Variants in FBXO11 observed in about 807,000 individuals in gnomAD.
FBXO11 encodes F-box protein 11, also known as F-box only protein 11.
A neutral mutation model predicts 117.0 loss-of-function variants in FBXO11; 13 were observed. The observed-to-expected ratio is 0.11, with a 90% CI of 0.07 to 0.18. The LOEUF is 0.18. Among genes scored for constraint, FBXO11 ranks in the 10% least tolerant of loss-of-function variants. FBXO11 has a pLI of 1.00. For synonymous variants in FBXO11, 490 were observed against 380.5 expected, an observed-to-expected ratio of 1.29 and a Z score of -3.35; for missense variants, 767 against 1,164.4, an observed-to-expected ratio of 0.66 and a Z score of 4.97.
In FBXO11 at chr2:47,807,020, T is replaced by A; in HGVS notation, c.*1098A>T. 1.5e-6 allele frequency: 1 copy of A among 655,882 alleles called. No homozygotes were observed. The highest frequency in any genetic ancestry group is 1.8e-5 in the South Asian group (1 of 56,518). 40.6% of individuals were successfully genotyped at this position (655,882 alleles called of 1,614,324 possible). ...TTCTTATCTACCTTCTACATAATGGTTATTGAATACTCCACAATATATTAA... is the reference window on the plus strand; with the variant it reads ...TTCTTATCTACCTTCTACATAATGGATATTGAATACTCCACAATATATTAA... On this transcript the variant is annotated 3_prime_UTR_variant, in exon 23 of 23. Coordinates refer to ENST00000403359, the MANE Select transcript of FBXO11 (RefSeq NM_001190274.2).
intron 4 of FBXO11, chr2:47,837,017 C>A: frequency 3.7e-6 from 1 of 266,918 alleles, no homozygotes. Context: ...GGATTATAGG[C>A]GTGAGCCACT....
At chr2:47,808,644 G>T (rs923974875) in intron 21 of FBXO11, 12 of 458,866 alleles carry the variant, frequency 2.6e-5, no homozygotes, top group African/African-American at 2.2e-4. Flanking sequence ...TTTGTAAATT[G>T]TATAAAGGCA....
At chr2:47,895,407 G>C (rs1677580107) in intron 1 of FBXO11, among the ~76,000 whole-genome samples, 1 of 152,210 alleles carries the variant, frequency 6.6e-6, no homozygotes, top group Non-Finnish European at 1.5e-5. Flanking sequence ...AGACACATAG[G>C]AGTACATACT....
Position 47,834,870 on chromosome 2 carries a change from T to C in FBXO11, c.719A>G (p.Tyr240Cys), listed in dbSNP as rs149046022. The C allele has an allele frequency of 5.6e-6, 9 of 1,610,116 alleles. No individual in the cohort carries two copies. The East Asian group carries it at 6.7e-5, about 12-fold the overall frequency. The change falls in exon 6 of 23, where the codon TAT (tyrosine) becomes TGT (cysteine). Residue 240 changes from tyrosine (Y) to cysteine (C), a missense_variant and splice_region_variant. Physicochemically the swap from Tyr to Cys is radical, Grantham distance 194. Around this residue, in one of 10 missense-constraint regions of FBXO11, gnomAD observed 32 missense variants for 48.4 expected, o/e 0.66. Transcript: ENST00000403359. ...NPWKESFQQL[Y>C]KGAHVKPGFA... ...TCCTGGCTTTACATGTGCACCTTTA[T>C]ACTAAAATGTCAAAAACAAAACAAA...
At chr2:47,846,236 G>A (rs1673396707) in intron 1 of FBXO11, among the ~76,000 whole-genome samples, 1 of 152,176 alleles carries the variant, frequency 6.6e-6, no homozygotes, top group South Asian at 2.1e-4. Flanking sequence ...AGGAGGCCCA[G>A]GCGGGCAGAT....
At chr2:47,819,357 A>C (rs1410330147) in intron 14 of FBXO11, among the ~76,000 whole-genome samples, 1 of 152,150 alleles carries the variant, frequency 6.6e-6, no homozygotes, top group African/African-American at 2.4e-5. Flanking sequence ...CTAGGATTAC[A>C]GGCGTCTGCC....
intron 1 of FBXO11, among the ~76,000 whole-genome samples, chr2:47,877,024 C>T (rs1368914515): frequency 6.6e-6 from 1 of 151,558 alleles, no homozygotes. Flanking sequence ...CATCTAATGA[C>T]ATCTTACTTA....
At position 47,906,495 on chromosome 2, in the gene FBXO11, G is replaced by T. The variant is rs987960102; in HGVS notation, c.-775C>A. On this transcript the variant is annotated 5_prime_UTR_variant, in exon 1 of 23. Transcript: ENST00000403359. ...ATTGACACCGCCGGAGCCTCCACTC[G>T]CCCAGTCGGTCCCTCCCCGCCGCGG... Among the ~76,000 whole-genome samples the T allele has an allele frequency of 6.7e-6, 1 of 149,266 alleles. No homozygotes were observed.
chr2:47,898,848 T>G (rs955394880), intron 1 of FBXO11, among the ~76,000 whole-genome samples: 3 of 152,142 alleles, frequency 2.0e-5, no homozygotes, highest in Non-Finnish European at 4.4e-5. Context: ...CTTTCCTTGT[T>G]TATAGAAAGA....
chr2:47,828,026 G>T (rs960087616), intron 11 of FBXO11, among the ~76,000 whole-genome samples: 1 of 151,972 alleles, frequency 6.6e-6, no homozygotes, highest in East Asian at 1.9e-4. Flanking sequence ...GAATCTCCCT[G>T]TCACCCAAGC....
At chr2:47,872,973 C>T (rs983104892) in intron 1 of FBXO11, among the ~76,000 whole-genome samples, 1 of 151,884 alleles carries the variant, frequency 6.6e-6, no homozygotes, top group African/African-American at 2.4e-5. Context: ...TAAAAAAAAT[C>T]TACTGGGGCA....
intron 16 of FBXO11, 69 bp from the exon 17 acceptor site, chr2:47,813,936 TA>T: frequency 8.5e-7 from 1 of 1,178,656 alleles, no homozygotes; most frequent in Non-Finnish European, 1.3e-6. Flanking sequence ...TTACGTGAGG[TA>T]AACAGTGGAG....
chr2:47,821,313 T>C (rs1411877976), intron 13 of FBXO11, among the ~76,000 whole-genome samples: 5 of 151,112 alleles, frequency 3.3e-5, no homozygotes, highest in East Asian at 3.9e-4. Context: ...CCTGTCTCTA[T>C]TAAAAATGCA....
intron 1 of FBXO11, among the ~76,000 whole-genome samples, chr2:47,893,993 A>C (rs535309280): frequency 2.6e-5 from 4 of 152,360 alleles, no homozygotes; most frequent in East Asian, 1.9e-4. Context: ...TTAAGTGCTG[A>C]AAGAGCAAAT....
chr2:47,887,582 C>T (rs931840316), intron 1 of FBXO11, among the ~76,000 whole-genome samples: 5 of 151,826 alleles, frequency 3.3e-5, no homozygotes, highest in East Asian at 1.9e-4. Flanking sequence ...TTTGTGGGGC[C>T]AGGCATGGTG....
At chr2:47,815,826 A>C (rs943705435) in intron 16 of FBXO11, among the ~76,000 whole-genome samples, 8 of 152,212 alleles carry the variant, frequency 5.3e-5, no homozygotes, top group Admixed American at 3.9e-4. Context: ...AACGGGCCAG[A>C]AGCTCACAAT....
intron 1 of FBXO11, among the ~76,000 whole-genome samples, chr2:47,889,634 T>G (rs1276452523): frequency 5.7e-5 from 1 of 17,434 alleles, no homozygotes; most frequent in Non-Finnish European, 1.1e-4. Flanking sequence ...AGTGAGAGGG[T>G]TTTTTTTTTT....
intron 4 of FBXO11, among the ~76,000 whole-genome samples, chr2:47,837,780 C>A (rs1196616450): frequency 6.6e-6 from 1 of 152,124 alleles, no homozygotes; most frequent in African/African-American, 2.4e-5. Context: ...GCCCAGGCTG[C>A]AGTGCAGTGG....
At chr2:47,889,666 A>C (rs933767110) in intron 1 of FBXO11, among the ~76,000 whole-genome samples, 6 of 151,462 alleles carry the variant, frequency 4.0e-5, no homozygotes, top group African/African-American at 1.5e-4. Context: ...TGATGAAATT[A>C]TTTCCCTTAG....
Sources: gnomAD v4.1 joint callset for allele counts (sites outside exome capture counted in the v4.1 genomes callset) on GRCh38, gnomAD v4.1.1 for gene constraint, gnomAD v4.1.1 regional missense constraint, MANE v1.5 for transcripts, NCBI Gene and HGNC (gene_info 2026-07-23, HGNC 2026-07-21) for gene names.